The following MPDZ variants were observed in gnomAD, a reference collection of about 807,000 sequenced individuals.
The protein encoded by MPDZ is multiple PDZ domain crumbs cell polarity complex component.
Under a neutral mutation model 239.1 loss-of-function variants are expected in MPDZ, and 234 were observed. The observed-to-expected ratio is 0.98, with a 90% CI of 0.88 to 1.09. The LOEUF (loss-of-function observed/expected upper bound fraction) is 1.09. Among genes scored for constraint, MPDZ ranks in the 50% least tolerant of loss-of-function variants. The pLI is 0.00. For missense variants in MPDZ, 3,175 were observed against 2,510.0 expected, an observed-to-expected ratio of 1.26 and a Z score of -5.66; for synonymous variants, 1,048 against 881.3, an observed-to-expected ratio of 1.19 and a Z score of -3.35.
At chr9:13,108,630 C>T (rs74977103) in intron 46 of MPDZ, among the ~76,000 whole-genome samples, 16,975 of 151,882 alleles carry the variant, frequency 0.11, 1,283 homozygotes, top group African/African-American at 0.2. Flanking sequence ...TTTCAAAAGA[C>T]GATCATGTGC....
chr9:13,275,128 G>A (rs558560834), intron 1 of MPDZ, among the ~76,000 whole-genome samples: 1 of 152,306 alleles, frequency 6.6e-6, no homozygotes, highest in East Asian at 1.9e-4. Flanking sequence ...CGAGCTCACT[G>A]CCTCAGAGTC....
Position 13,126,573 on chromosome 9 carries a change from G to T in MPDZ, c.4575C>A (p.Val1525=), listed in dbSNP as rs367937602. Residue 1525 remains valine (V), a synonymous_variant, in exon 34 of 47, where the codon GTC becomes GTA. Transcript: ENST00000319217. ...CATCTACAGCCAGTATCTGATCTCCGACTTTGAGTCGTCCATCCTAAATGG... is the reference window on the plus strand; with the variant it reads ...CATCTACAGCCAGTATCTGATCTCCTACTTTGAGTCGTCCATCCTAAATGG... ...GVAATDGRLK[V]GDQILAVDDE... 6.3e-7 allele frequency: 1 copy of T among 1,596,362 alleles called. No homozygotes were observed. The highest frequency in any genetic ancestry group is 1.3e-5 in the African/African-American group (1 of 74,632).
At position 13,233,518 on chromosome 9, in the gene MPDZ, G is replaced by C. The variant is rs118062893; in HGVS notation, c.184-8935C>G. 8.2e-3 allele frequency among the ~76,000 whole-genome samples: 1,247 copies of C among 152,180 alleles called. 9 individuals carry two copies. Among genetic ancestry groups the C allele is most frequent in the Middle Eastern group, 0.024 (7 of 294 alleles). The stretch of plus-strand genomic sequence containing the variant: ...CTAAAGGGGAGGATTAGGACTGACT[G>C]AAAGGTGAAACAAATTATGAGTGCT... On this transcript the variant is annotated intron_variant, in intron 3 of 46. Coordinates refer to ENST00000319217, the MANE Select transcript of MPDZ (RefSeq NM_001378778.1).
intron 10 of MPDZ, among the ~76,000 whole-genome samples, chr9:13,206,978 T>C (rs1162235744): frequency 2.0e-5 from 3 of 152,132 alleles, no homozygotes; most frequent in Non-Finnish European, 2.9e-5. Context: ...TGTGCCCTAC[T>C]TCTACTCCTT....
chr9:13,274,975 A>G (rs1171882826), intron 1 of MPDZ, among the ~76,000 whole-genome samples: 1 of 152,232 alleles, frequency 6.6e-6, no homozygotes, highest in Admixed American at 6.5e-5. Context: ...CAGAGGCACA[A>G]TTTCCCAATG....
Position 13,106,971 on chromosome 9 carries a change from G to A in MPDZ, c.6207C>T (p.Leu2069=). ...RTKGTVTLMV[L]S is the part of the protein sequence containing the mutation. Reference sequence around the variant, plus strand: ...TTCAATTCTGGCAGCCAATTCAAGAGAGAACCATCAAAGTGACAGTGCCTT... The same window carrying A: ...TTCAATTCTGGCAGCCAATTCAAGAAAGAACCATCAAAGTGACAGTGCCTT... Residue 2069 remains leucine (L), a synonymous_variant, in exon 47 of 47, where the codon CTC becomes CTT. Coordinates refer to ENST00000319217, the MANE Select transcript of MPDZ (RefSeq NM_001378778.1). 6.2e-7 allele frequency: 1 copy of A among 1,613,572 alleles called. No individual in the cohort carries two copies. Among genetic ancestry groups the A allele is most frequent in the Non-Finnish European group, 8.5e-7 (1 of 1,179,590 alleles).
At chr9:13,134,088 T>A in intron 31 of MPDZ, 184 bp from the exon 32 acceptor site, 1 of 252,604 alleles carries the variant, frequency 4.0e-6, no homozygotes, top group Non-Finnish European at 7.2e-6. Context: ...TTTTGCTATT[T>A]TAACATTCTA....
In MPDZ at chr9:13,173,706, A is replaced by C. The variant is rs537687269; in HGVS notation, c.3055+2046T>G. ...GGCAACAAAGCGAAACTCTCTCTCA[A>C]AAAAAAAAAAAAAATTGGTAAGCAA... On this transcript the variant is annotated intron_variant, in intron 21 of 46. Transcript: ENST00000319217. 4.5e-4 allele frequency among the ~76,000 whole-genome samples: 66 copies of C among 146,624 alleles called. No individual in the cohort carries two copies. The South Asian group carries it at 8.7e-3, about 19-fold the overall frequency.
At chr9:13,125,524 G>C (rs1944984120) in intron 34 of MPDZ, 134 bp from the exon 35 acceptor site, 2 of 761,716 alleles carry the variant, frequency 2.6e-6, no homozygotes, top group Non-Finnish European at 4.0e-6. Flanking sequence ...TTATTTCTTT[G>C]TCAGGACTTG....
intron 27 of MPDZ, among the ~76,000 whole-genome samples, chr9:13,140,665 T>C (rs1391216066): frequency 6.6e-6 from 1 of 151,778 alleles, no homozygotes; most frequent in East Asian, 1.9e-4. Context: ...GGTAGAAAAT[T>C]GTACAAACTT....
At chr9:13,113,173 G>T in intron 41 of MPDZ, 119 bp from the exon 42 acceptor site, 2 of 825,732 alleles carry the variant, frequency 2.4e-6, no homozygotes, top group Non-Finnish European at 1.9e-6. Context: ...TTTTAAGGGG[G>T]TGCTCAAAGC....
intron 35 of MPDZ, among the ~76,000 whole-genome samples, chr9:13,124,882 G>C (rs1190741002): frequency 6.6e-6 from 1 of 152,140 alleles, no homozygotes; most frequent in East Asian, 1.9e-4. Context: ...TCATTAGTTA[G>C]AGGCCTGGAA....
intron 15 of MPDZ, among the ~76,000 whole-genome samples, chr9:13,191,358 T>C (rs886149434): frequency 1.3e-5 from 2 of 152,184 alleles, no homozygotes; most frequent in African/African-American, 4.8e-5. Context: ...TCTCTCAATA[T>C]ACCTTAAATG....
At chr9:13,143,369 T>C (rs1172821325) in intron 27 of MPDZ, 97 bp downstream of exon 27, 2 of 918,174 alleles carry the variant, frequency 2.2e-6, no homozygotes, top group African/African-American at 1.7e-5. Context: ...CCTGCCCAAA[T>C]GTAGCAAATA....
chr9:13,133,369 T>C (rs909104584), intron 32 of MPDZ, among the ~76,000 whole-genome samples: 6 of 152,210 alleles, frequency 3.9e-5, no homozygotes, highest in African/African-American at 1.2e-4. Context: ...TATAGTAAGA[T>C]TGCCTTTTTA....
intron 1 of MPDZ, among the ~76,000 whole-genome samples, chr9:13,277,479 G>A (rs773565642): frequency 6.6e-6 from 1 of 152,180 alleles, no homozygotes; most frequent in Non-Finnish European, 1.5e-5. Context: ...GCACACAAGG[G>A]TACAGGTGCC....
intron 24 of MPDZ, among the ~76,000 whole-genome samples, chr9:13,157,632 AAC>A (rs60566356): frequency 2.5e-4 from 37 of 149,388 alleles, no homozygotes; most frequent in Non-Finnish European, 2.7e-4. Context: ...TTTACACACA[AAC>A]ACACACACAC....
chr9:13,253,208 A>C (rs1484179844), intron 1 of MPDZ, among the ~76,000 whole-genome samples: 10 of 113,520 alleles, frequency 8.8e-5, no homozygotes, highest in East Asian at 8.2e-4. Context: ...TTCTTCCCCC[A>C]AAAAATACAC....
At chr9:13,192,094 T>A (rs1467163097) in intron 15 of MPDZ, 37 bp downstream of exon 15, 2 of 1,483,588 alleles carry the variant, frequency 1.3e-6, no homozygotes. Flanking sequence ...CTTTCCATTA[T>A]ATATGTAGGT....
Sources: allele counts gnomAD v4.1 joint callset (sites outside exome capture counted in the v4.1 genomes callset), GRCh38; gene constraint gnomAD v4.1.1; transcripts MANE v1.5; gene names NCBI Gene and HGNC (gene_info 2026-07-23, HGNC 2026-07-21).